The following PERP variants were observed in gnomAD, a reference collection of about 807,000 sequenced individuals.
PERP encodes the protein p53 apoptosis effector related to PMP-22.
PERP carries 11 observed loss-of-function variants against 20.3 expected under a neutral mutation model. That is an observed-to-expected ratio of 0.54 (90% CI 0.34 to 0.90). The LOEUF (loss-of-function observed/expected upper bound fraction) is 0.90. Ranked by LOEUF, PERP falls within the 40% of genes least tolerant of loss-of-function variation. The pLI is 0.02. For missense variants in PERP, 224 were observed against 249.4 expected (o/e 0.90, Z 0.69); for synonymous variants, 101 against 102.0 (o/e 0.99, Z 0.06).
rs752644376 is a variant in PERP at position 138,107,289 on chromosome 6, G to A, written c.52C>T (p.Leu18Phe). 1.9e-6 allele frequency: 3 copies of A among 1,609,664 alleles called. No homozygotes were observed. The highest frequency in any genetic ancestry group is 2.5e-6 in the Non-Finnish European group (3 of 1,179,230). Residue 18 changes from leucine (L) to phenylalanine (F), a missense_variant, in exon 1 of 3, where the codon CTC becomes TTC. Transcript: ENST00000421351. This position sits in a 1 kb window ranked among gnomAD's most constrained non-coding sequence, Gnocchi z 4.8. ...TCGAAGGCGATGGCGCTGAGTAGGAGCAGGGGCAGGATCCAGCGGCAGCGC... is the reference window on the plus strand; with the variant it reads ...TCGAAGGCGATGGCGCTGAGTAGGAACAGGGGCAGGATCCAGCGGCAGCGC... ...CERCRWILPLLLLSAIAFDII... is the reference protein window; with the variant it reads ...CERCRWILPLFLLSAIAFDII...
chr6:138,091,025 G>A lies in PERP; in HGVS notation c.*1017C>T, dbSNP rs1458196203. ...CAGACATTTAAAATCTGTTTACCAA[G>A]AAAGACCAGGATTTTAACTATATGT... On this transcript the variant is annotated 3_prime_UTR_variant, in exon 3 of 3. Coordinates refer to ENST00000421351, the MANE Select transcript of PERP (RefSeq NM_022121.5). The A allele has an allele frequency of 7.2e-5, 11 of 152,408 alleles. No individual in the cohort carries two copies. Among genetic ancestry groups the A allele is most frequent in the African/African-American group, 2.7e-4 (11 of 41,436 alleles). The allele number at this position is 152,408 out of a possible 1,614,324, so 9.4% of individuals were successfully genotyped here. A position where few individuals can be genotyped will look rare whatever the true frequency, so the allele number is the denominator to read the frequency against.
chr6:138,102,854 C>T (rs990007377), intron 1 of PERP, among the ~76,000 whole-genome samples: 1 of 152,046 alleles, frequency 6.6e-6, no homozygotes, highest in Non-Finnish European at 1.5e-5. Context: ...AATCTCAGCA[C>T]TTTGGGAGGC....
chr6:138,096,077 G>A (rs1775685555), intron 2 of PERP, among the ~76,000 whole-genome samples: 1 of 152,192 alleles, frequency 6.6e-6, no homozygotes, highest in Non-Finnish European at 1.5e-5. Context: ...CTCGGGTAGA[G>A]GAGTCAGTGG....
chr6:138,101,922 T>C (rs1011437600), intron 1 of PERP, among the ~76,000 whole-genome samples: 1 of 152,210 alleles, frequency 6.6e-6, no homozygotes, highest in Non-Finnish European at 1.5e-5. Context: ...TTCCGATCCT[T>C]AGGCCAGCAT....
Position 138,092,378 on chromosome 6 carries a change from T to A in PERP, c.356-110A>T, listed in dbSNP as rs1007014643. On this transcript the variant is annotated intron_variant, in intron 2 of 2. Coordinates refer to ENST00000421351, the MANE Select transcript of PERP (RefSeq NM_022121.5). ...CACCAAGTTTCTGCCTTGAAATAAGTATAAAATCTACCTGGAGGCAGGAGG... is the reference window on the plus strand; with the variant it reads ...CACCAAGTTTCTGCCTTGAAATAAGAATAAAATCTACCTGGAGGCAGGAGG... 7 of 973,080 alleles carry A rather than the reference T, an allele frequency of 7.2e-6. No homozygotes were observed. The African/African-American group carries it at 9.7e-5, about 13-fold the overall frequency. The allele number at this position is 973,080 out of a possible 1,614,324, so 60.3% of individuals were successfully genotyped here.
At chr6:138,098,511 C>A (rs966076117) in intron 1 of PERP, among the ~76,000 whole-genome samples, 1 of 152,198 alleles carries the variant, frequency 6.6e-6, no homozygotes, top group Admixed American at 6.5e-5. Flanking sequence ...AATGTTCCTC[C>A]TGTGTCCCTG....
chr6:138,095,396 T>C (rs1453086745), intron 2 of PERP, among the ~76,000 whole-genome samples: 1 of 152,196 alleles, frequency 6.6e-6, no homozygotes, highest in East Asian at 1.9e-4. Context: ...TTAACTCTTC[T>C]AAGCTCAGGG....
Position 138,091,916 on chromosome 6 carries a change from G to A in PERP, c.*126C>T, listed in dbSNP as rs1232521232. 1 of 705,054 alleles carries A rather than the reference G, an allele frequency of 1.4e-6. No homozygotes were observed. The highest frequency in any genetic ancestry group is 2.3e-6 in the Non-Finnish European group (1 of 431,894). 43.7% of individuals were successfully genotyped at this position (705,054 alleles called of 1,614,324 possible). A position where few individuals can be genotyped will look rare whatever the true frequency, so the allele number is the denominator to read the frequency against. ...AAATATTTTCTCCCAAATTATTTTAGCATTTTTGACTAGTTTAATAATATG... is the reference window on the plus strand; with the variant it reads ...AAATATTTTCTCCCAAATTATTTTAACATTTTTGACTAGTTTAATAATATG... On this transcript the variant is annotated 3_prime_UTR_variant, in exon 3 of 3. Coordinates refer to ENST00000421351, the MANE Select transcript of PERP (RefSeq NM_022121.5).
intron 2 of PERP, among the ~76,000 whole-genome samples, chr6:138,095,101 G>A (rs556013335): frequency 6.6e-6 from 1 of 152,284 alleles, no homozygotes; most frequent in Non-Finnish European, 1.5e-5. Flanking sequence ...CACATCAAAT[G>A]TGTTTCTTTG....
intron 2 of PERP, among the ~76,000 whole-genome samples, chr6:138,093,306 C>A (rs548811226): frequency 5.5e-4 from 84 of 152,270 alleles, no homozygotes; most frequent in African/African-American, 1.9e-3. Flanking sequence ...GTAGTCCTCA[C>A]CACCATTTTT....
intron 1 of PERP, among the ~76,000 whole-genome samples, chr6:138,099,460 A>C (rs1182097141): frequency 6.6e-6 from 1 of 152,208 alleles, no homozygotes; most frequent in Non-Finnish European, 1.5e-5. Flanking sequence ...CAATGAAAGG[A>C]AACATATCTA....
chr6:138,093,785 A>G (rs912536349), intron 2 of PERP, among the ~76,000 whole-genome samples: 2 of 152,232 alleles, frequency 1.3e-5, no homozygotes, highest in Non-Finnish European at 2.9e-5. Context: ...AATTTAAAAT[A>G]ACAGTTTCTA....
In PERP at chr6:138,104,687, T is replaced by C. The variant is rs576553328; in HGVS notation, c.214+2440A>G. Among the ~76,000 whole-genome samples, 208 of 152,254 alleles carry C rather than the reference T, an allele frequency of 1.4e-3. 1 individual carries two copies. The highest frequency in any genetic ancestry group is 4.9e-3 in the African/African-American group (202 of 41,544). On this transcript the variant is annotated intron_variant, in intron 1 of 2. Coordinates refer to ENST00000421351, the MANE Select transcript of PERP (RefSeq NM_022121.5). ...TTATTGCCTAGTACATATCAAGAAGTTTTTCAAAGTGGATGTACACACTCA... is the reference window on the plus strand; with the variant it reads ...TTATTGCCTAGTACATATCAAGAAGCTTTTCAAAGTGGATGTACACACTCA...
At chr6:138,105,192 A>C (rs1775824660) in intron 1 of PERP, among the ~76,000 whole-genome samples, 1 of 152,130 alleles carries the variant, frequency 6.6e-6, no homozygotes, top group African/African-American at 2.4e-5. Context: ...GAATAACTAA[A>C]CTGAGTTGTT....
chr6:138,093,717 A>G (rs1775626084), intron 2 of PERP, among the ~76,000 whole-genome samples: 1 of 152,186 alleles, frequency 6.6e-6, no homozygotes, highest in Non-Finnish European at 1.5e-5. Flanking sequence ...AATTTCTGCC[A>G]AATTTAAATT....
At chr6:138,095,782 C>T (rs1387013318) in intron 2 of PERP, among the ~76,000 whole-genome samples, 1 of 152,202 alleles carries the variant, frequency 6.6e-6, no homozygotes, top group Non-Finnish European at 1.5e-5. Context: ...TCACACTGGG[C>T]CCTGCACACC....
rs1386817835 is a variant in PERP, at chr6:138,089,857, A to G, written c.*2185T>C. ...TTATATCAGGCTCGTTGGTCCCAGG[A>G]GGTTGCATTTTTCCTAAATGTGCGC... On this transcript the variant is annotated 3_prime_UTR_variant, in exon 3 of 3. Coordinates refer to ENST00000421351, the MANE Select transcript of PERP (RefSeq NM_022121.5). 1 of 152,184 alleles carries G rather than the reference A, an allele frequency of 6.6e-6. No homozygotes were observed. Among genetic ancestry groups the G allele is most frequent in the Non-Finnish European group, 1.5e-5 (1 of 68,052 alleles). The allele number at this position is 152,184 out of a possible 1,614,324, so 9.4% of individuals were successfully genotyped here.
At chr6:138,102,473 GT>G (rs1368928958) in intron 1 of PERP, among the ~76,000 whole-genome samples, 6 of 152,226 alleles carry the variant, frequency 3.9e-5, no homozygotes. Flanking sequence ...ACGAAGCTTA[GT>G]CAGGGGTGCT....
intron 1 of PERP, among the ~76,000 whole-genome samples, chr6:138,097,044 T>A (rs1035759305): frequency 2.0e-5 from 3 of 152,240 alleles, no homozygotes; most frequent in Middle Eastern, 3.2e-3. Flanking sequence ...AGCTCTGATC[T>A]TATAACAAGC....
Sources: gnomAD v4.1 joint callset for allele counts (sites outside exome capture counted in the v4.1 genomes callset) on GRCh38, gnomAD v4.1.1 for gene constraint, Gnocchi (gnomAD v3.1) non-coding constraint, MANE v1.5 for transcripts, NCBI Gene and HGNC (gene_info 2026-07-23, HGNC 2026-07-21) for gene names.